Variants in MAP4K3 observed in about 807,000 individuals in gnomAD.
The protein encoded by MAP4K3 is MAPK/ERK kinase kinase kinase 3.
Under a neutral mutation model 143.5 loss-of-function variants are expected in MAP4K3, and 94 were observed. The ratio of observed to expected loss-of-function variants is 0.65; its 90% CI spans 0.55 to 0.78. The LOEUF is 0.78. MAP4K3 is among the 30% of genes least tolerant of loss of function. MAP4K3 has a pLI of 0.00. For missense variants in MAP4K3, 1,077 were observed against 1,068.1 expected, an observed-to-expected ratio of 1.01 and a Z score of -0.12; for synonymous variants, 416 against 347.2, an observed-to-expected ratio of 1.20 and a Z score of -2.20.
At chr2:39,425,343 C>T (rs1217925000) in intron 1 of MAP4K3, among the ~76,000 whole-genome samples, 1 of 152,140 alleles carries the variant, frequency 6.6e-6, no homozygotes, top group Non-Finnish European at 1.5e-5. Context: ...AAGAATAACA[C>T]ATATCTAGGA....
chr2:39,358,423 T>C (rs757291661), intron 2 of MAP4K3, among the ~76,000 whole-genome samples: 11 of 152,226 alleles, frequency 7.2e-5, no homozygotes, highest in Non-Finnish European at 1.5e-5. Context: ...ATATCAGCTT[T>C]TGGTTTAATT....
chr2:39,386,118 T>C (rs184829968), intron 1 of MAP4K3, among the ~76,000 whole-genome samples: 17 of 152,320 alleles, frequency 1.1e-4, no homozygotes, highest in African/African-American at 3.6e-4. Context: ...ATAAGTTATA[T>C]GGGTTGGCCC....
chr2:39,318,389 T>C (rs993511775), intron 12 of MAP4K3, among the ~76,000 whole-genome samples: 4 of 151,934 alleles, frequency 2.6e-5, no homozygotes, highest in Admixed American at 1.3e-4. Flanking sequence ...GAAACTAAAA[T>C]AAAAGTTAAG....
At chr2:39,403,146 C>T (rs1666993676) in intron 1 of MAP4K3, among the ~76,000 whole-genome samples, 1 of 152,086 alleles carries the variant, frequency 6.6e-6, no homozygotes, top group South Asian at 2.1e-4. Flanking sequence ...GAAACTCTTT[C>T]AGAAAAATGA....
intron 2 of MAP4K3, among the ~76,000 whole-genome samples, chr2:39,370,203 A>G (rs1448241791): frequency 6.6e-6 from 1 of 152,210 alleles, no homozygotes; most frequent in Non-Finnish European, 1.5e-5. Flanking sequence ...TAAATATTCA[A>G]TCTCTCCAGC....
chr2:39,385,752 C>T (rs1666488375), intron 1 of MAP4K3, among the ~76,000 whole-genome samples: 1 of 151,470 alleles, frequency 6.6e-6, no homozygotes, highest in South Asian at 2.1e-4. Flanking sequence ...GCCTCAGCCT[C>T]CCAAGTAGCT....
At chr2:39,256,623 T>C (rs1053124380) in intron 31 of MAP4K3, among the ~76,000 whole-genome samples, 10 of 152,248 alleles carry the variant, frequency 6.6e-5, no homozygotes, top group African/African-American at 2.4e-4. Flanking sequence ...TAATTCTATT[T>C]GCTAATATTT....
intron 27 of MAP4K3, 86 bp downstream of exon 27, chr2:39,267,103 G>T: frequency 7.9e-7 from 1 of 1,262,706 alleles, no homozygotes; most frequent in Non-Finnish European, 1.2e-6. Context: ...AAGTATTGCT[G>T]GCAGAATGCC....
chr2:39,304,127 G>C (rs1329973675), intron 15 of MAP4K3, among the ~76,000 whole-genome samples: 1 of 148,368 alleles, frequency 6.7e-6, no homozygotes, highest in Non-Finnish European at 1.5e-5. Context: ...TATTCTTCTG[G>C]CTTCATATAT....
intron 28 of MAP4K3, 61 bp from the exon 29 acceptor site, chr2:39,260,838 G>A (rs1173219290): frequency 1.7e-6 from 2 of 1,184,460 alleles, no homozygotes; most frequent in Non-Finnish European, 1.2e-6. Flanking sequence ...AATTCTATGA[G>A]AATACTATAA....
At chr2:39,402,453 A>G (rs1408576080) in intron 1 of MAP4K3, among the ~76,000 whole-genome samples, 1 of 152,176 alleles carries the variant, frequency 6.6e-6, no homozygotes, top group Non-Finnish European at 1.5e-5. Context: ...GACATATCAT[A>G]ATCAAATTGC....
rs532662486 is a variant in MAP4K3, at chr2:39,401,899, G to C, written c.97-23776C>G. 2.0e-5 allele frequency among the ~76,000 whole-genome samples: 3 copies of C among 152,106 alleles called. No individual in the cohort carries two copies. The East Asian group carries it at 5.8e-4, about 29-fold the overall frequency. ...ACTAACAGGAATACAAAAATATCCA[G>C]GGCACAAAGTAGAATTCACAATGTC... is the stretch of plus-strand genomic sequence containing the variant. On this transcript the variant is annotated intron_variant, in intron 1 of 33. Coordinates refer to ENST00000263881, the MANE Select transcript of MAP4K3 (RefSeq NM_003618.4).
chr2:39,364,212 T>C (rs960160409), intron 2 of MAP4K3, among the ~76,000 whole-genome samples: 10 of 152,084 alleles, frequency 6.6e-5, no homozygotes, highest in African/African-American at 2.4e-4. Context: ...ACATTTGCAC[T>C]CCAGGAAGCA....
At position 39,437,215 on chromosome 2, in the gene MAP4K3, C is replaced by G. The variant is rs749464529; in HGVS notation, c.-228G>C. The G allele has an allele frequency of 2.3e-4, 75 of 323,248 alleles. No homozygotes were observed. The highest frequency in any genetic ancestry group is 3.3e-4 in the Non-Finnish European group (59 of 180,138). The allele number at this position is 323,248 out of a possible 1,614,324, so 20.0% of individuals were successfully genotyped here. On this transcript the variant is annotated 5_prime_UTR_variant, in exon 1 of 34. Transcript: ENST00000263881. ...CCCGCGGCCCGCCGCCGCGCCGAACCTGGTCACACCCACAAGGAGAGGAGA... is the reference window on the plus strand; with the variant it reads ...CCCGCGGCCCGCCGCCGCGCCGAACGTGGTCACACCCACAAGGAGAGGAGA...
chr2:39,325,654 A>T lies in MAP4K3; in HGVS notation c.808-26T>A, dbSNP rs1683465650. ...CTATAAAAATTAAATACAATGCAGA[A>T]CACTTACTATAAATCTGATTGAATA... On this transcript the variant is annotated intron_variant, in intron 11 of 33. Transcript: ENST00000263881. 1.9e-6 allele frequency: 3 copies of T among 1,578,594 alleles called. No homozygotes were observed. The East Asian group carries it at 6.7e-5, about 35-fold the overall frequency.
chr2:39,288,834 C>A (rs982384395), intron 19 of MAP4K3, among the ~76,000 whole-genome samples: 1 of 152,112 alleles, frequency 6.6e-6, no homozygotes, highest in Non-Finnish European at 1.5e-5. Context: ...GAGCGGATCA[C>A]GAGGTCAGGA....
chr2:39,345,857 G>C (rs2148538909), intron 3 of MAP4K3, among the ~76,000 whole-genome samples: 1 of 143,074 alleles, frequency 7.0e-6, no homozygotes, highest in South Asian at 2.3e-4. Context: ...GGGAGGCGGA[G>C]CTTGCAGTGA....
At chr2:39,335,332 G>T (rs1312046257) in intron 6 of MAP4K3, among the ~76,000 whole-genome samples, 1 of 152,126 alleles carries the variant, frequency 6.6e-6, no homozygotes, top group African/African-American at 2.4e-5. Flanking sequence ...AGACCACTCA[G>T]GCTATTACAA....
At chr2:39,326,039 G>C in intron 9 of MAP4K3, 78 bp from the exon 10 acceptor site, 1 of 1,499,292 alleles carries the variant, frequency 6.7e-7, no homozygotes, top group Non-Finnish European at 9.1e-7. Flanking sequence ...ATTACTATTT[G>C]TTCCCCAAAT....
Sources: allele counts gnomAD v4.1 joint callset (sites outside exome capture counted in the v4.1 genomes callset), GRCh38; gene constraint gnomAD v4.1.1; transcripts MANE v1.5; gene names NCBI Gene and HGNC (gene_info 2026-07-23, HGNC 2026-07-21).